The following QKI variants were observed in gnomAD, a reference collection of about 807,000 sequenced individuals.
QKI encodes QKI, KH domain containing RNA binding, also known as KH domain-containing RNA-binding protein QKI.
In QKI, 10 loss-of-function variants were observed where a neutral mutation model predicts 39.0. The observed-to-expected ratio is 0.26, with a 90% CI of 0.16 to 0.43. QKI has a LOEUF of 0.43. Ranked by LOEUF, QKI falls within the 20% of genes least tolerant of loss-of-function variation. The probability of loss-of-function intolerance (pLI) is 1.00; values close to 1 mark genes in which losing one functional copy is unlikely to be tolerated. For missense variants in QKI, 218 were observed against 428.0 expected, an observed-to-expected ratio of 0.51 and a Z score of 4.33; for synonymous variants, 204 against 155.4, an observed-to-expected ratio of 1.31 and a Z score of -2.33.
In QKI at chr6:163,570,642, A is replaced by G. The variant is rs924001917; in HGVS notation, c.1010-52A>G. 28 of 1,602,028 alleles carry G rather than the reference A, an allele frequency of 1.7e-5. No individual in the cohort carries two copies. In the Admixed American group the frequency reaches 3.9e-4, roughly 22 times the overall value. On this transcript the variant is annotated intron_variant, in intron 7 of 7. Coordinates refer to ENST00000361752, the MANE Select transcript of QKI (RefSeq NM_006775.3). ...ACTAGCTGAAACTAATCTCTTCTCT[A>G]TCTTTTCTTTTCTTTTTTTTGTTTT...
At chr6:163,473,292 C>T (rs560239555) in intron 2 of QKI, among the ~76,000 whole-genome samples, 1 of 152,202 alleles carries the variant, frequency 6.6e-6, no homozygotes, top group East Asian at 1.9e-4. Flanking sequence ...AGAGTAGAAC[C>T]ACGTAAGACT....
At chr6:163,562,717 C>A (rs1229103741) in intron 5 of QKI, among the ~76,000 whole-genome samples, 1 of 152,110 alleles carries the variant, frequency 6.6e-6, no homozygotes, top group African/African-American at 2.4e-5. Context: ...TTTATATGAA[C>A]ATACCATGTT....
At chr6:163,443,558 C>G (rs1303536408) in intron 1 of QKI, among the ~76,000 whole-genome samples, 1 of 151,582 alleles carries the variant, frequency 6.6e-6, no homozygotes, top group Non-Finnish European at 1.5e-5. Context: ...GACTCCGTCT[C>G]AAAACAATAA....
At chr6:163,522,281 G>A (rs1287575531) in intron 3 of QKI, among the ~76,000 whole-genome samples, 1 of 152,128 alleles carries the variant, frequency 6.6e-6, no homozygotes, top group African/African-American at 2.4e-5. Context: ...TTGAGAGCTT[G>A]CATGTCTGTT....
chr6:163,446,210 T>TA (rs1790140663), intron 1 of QKI, among the ~76,000 whole-genome samples: 1 of 152,204 alleles, frequency 6.6e-6, no homozygotes, highest in African/African-American at 2.4e-5. Context: ...AATCTTTTCT[T>TA]ATGGGTTGTA....
chr6:163,435,507 T>C (rs1366125596), intron 1 of QKI, among the ~76,000 whole-genome samples: 1 of 152,192 alleles, frequency 6.6e-6, no homozygotes, highest in African/African-American at 2.4e-5. Context: ...AACATTGGAA[T>C]CATAGGGTAT....
chr6:163,456,799 G>GC (rs1483337386), intron 2 of QKI, among the ~76,000 whole-genome samples: 3 of 152,084 alleles, frequency 2.0e-5, no homozygotes, highest in Non-Finnish European at 4.4e-5. Context: ...AAAACAAAGT[G>GC]CCATGTTAGG....
At chr6:163,436,722 C>T (rs1441614368) in intron 1 of QKI, among the ~76,000 whole-genome samples, 2 of 134,746 alleles carry the variant, frequency 1.5e-5, no homozygotes, top group African/African-American at 2.8e-5. Context: ...CCTGGGAGGC[C>T]GAGGTTGCAG....
chr6:163,431,358 G>GT (rs1582972544), intron 1 of QKI, among the ~76,000 whole-genome samples: 1 of 152,044 alleles, frequency 6.6e-6, no homozygotes, highest in African/African-American at 2.4e-5. Context: ...AAGATGTGCT[G>GT]TTTTTTAAAA....
chr6:163,548,028 A>G (rs186768470), intron 4 of QKI, among the ~76,000 whole-genome samples: 4 of 152,312 alleles, frequency 2.6e-5, no homozygotes, highest in Admixed American at 6.5e-5. Context: ...CACATATTAA[A>G]TAACTCACAG....
rs189502506 is a variant in QKI at position 163,457,186 on chromosome 6, A to C, written c.285+1765A>C. Among the ~76,000 whole-genome samples the C allele has an allele frequency of 2.8e-4, 43 of 152,298 alleles. No individual in the cohort carries two copies. In the East Asian group the frequency reaches 5.8e-3, roughly 20 times the overall value. ...TTTCTGCAGTGGGCATTAACATAGA[A>C]TATGTAAGACCACAAGACCTTGATA... is the stretch of plus-strand genomic sequence containing the variant. On this transcript the variant is annotated intron_variant, in intron 2 of 7. Coordinates refer to ENST00000361752, the MANE Select transcript of QKI (RefSeq NM_006775.3).
At chr6:163,493,419 G>A (rs554156402) in intron 3 of QKI, among the ~76,000 whole-genome samples, 25 of 152,264 alleles carry the variant, frequency 1.6e-4, no homozygotes, top group African/African-American at 5.5e-4. Flanking sequence ...ATGAGCCACC[G>A]TGCCCAGCCT....
At chr6:163,541,798 A>C (rs946443153) in intron 4 of QKI, among the ~76,000 whole-genome samples, 3 of 151,756 alleles carry the variant, frequency 2.0e-5, no homozygotes, top group African/African-American at 7.3e-5. Flanking sequence ...TTTCTCCCCA[A>C]ATACCAGTTA....
chr6:163,570,653 T>G (rs770673238), intron 7 of QKI, 41 bp from the exon 8 acceptor site: 1 of 1,606,570 alleles, frequency 6.2e-7, no homozygotes, highest in Non-Finnish European at 8.5e-7. Context: ...TCTTTTCTTT[T>G]CTTTTTTTTG....
At chr6:163,424,147 A>G (rs914842212) in intron 1 of QKI, among the ~76,000 whole-genome samples, 17 of 152,224 alleles carry the variant, frequency 1.1e-4, no homozygotes, top group African/African-American at 2.7e-4. Context: ...TGTTACAGCA[A>G]TTATATCCCT....
chr6:163,430,236 C>T (rs1788718324), intron 1 of QKI, among the ~76,000 whole-genome samples: 1 of 152,066 alleles, frequency 6.6e-6, no homozygotes, highest in South Asian at 2.1e-4. Flanking sequence ...ATTTTCTTAT[C>T]TCTATCCTGT....
intron 3 of QKI, among the ~76,000 whole-genome samples, chr6:163,479,262 A>C (rs183836170): frequency 1.5e-3 from 230 of 152,308 alleles, no homozygotes; most frequent in African/African-American, 5.0e-3. Flanking sequence ...CCTGGGCAAC[A>C]GGAGTAAAGC....
chr6:163,432,441 T>G (rs1351434248), intron 1 of QKI, among the ~76,000 whole-genome samples: 1 of 151,362 alleles, frequency 6.6e-6, no homozygotes, highest in African/African-American at 2.4e-5. Context: ...CTGTCTAGGC[T>G]AGAGGGCAGT....
At chr6:163,417,842 G>GT (rs1310233449) in intron 1 of QKI, among the ~76,000 whole-genome samples, 3 of 152,120 alleles carry the variant, frequency 2.0e-5, no homozygotes, top group South Asian at 2.1e-4. Context: ...AAGTTTGATT[G>GT]TTTTTTATCA....
Sources: allele counts gnomAD v4.1 joint callset (sites outside exome capture counted in the v4.1 genomes callset), GRCh38; gene constraint gnomAD v4.1.1; transcripts MANE v1.5; gene names NCBI Gene and HGNC (gene_info 2026-07-23, HGNC 2026-07-21).